The following AGBL3 variants were observed in gnomAD, a reference collection of about 807,000 sequenced individuals.
The protein encoded by AGBL3 is AGBL carboxypeptidase 3, also known as cytosolic carboxypeptidase 3.
In AGBL3, 68 loss-of-function variants were observed where a neutral mutation model predicts 94.5. The observed-to-expected ratio is 0.72, with a 90% CI of 0.59 to 0.88. The LOEUF is 0.88. Ranked by LOEUF, AGBL3 falls within the 40% of genes least tolerant of loss-of-function variation. The probability of loss-of-function intolerance (pLI) is 0.00; values close to 1 mark genes in which losing one functional copy is unlikely to be tolerated. For synonymous variants in AGBL3, 354 were observed against 370.7 expected (o/e 0.95, Z 0.52); for missense variants, 934 against 1,103.8 (o/e 0.85, Z 2.18).
At chr7:135,087,297 T>C (rs907366685) in intron 15 of AGBL3, among the ~76,000 whole-genome samples, 2 of 151,968 alleles carry the variant, frequency 1.3e-5, no homozygotes, top group Admixed American at 6.6e-5. Context: ...TTTCATTTCA[T>C]TGATCTTTTA....
chr7:135,124,220 CA>C (rs369396148), intron 16 of AGBL3, among the ~76,000 whole-genome samples: 140 of 138,106 alleles, frequency 1.0e-3, no homozygotes, highest in Non-Finnish European at 9.9e-4. Flanking sequence ...AAATGGAAAG[CA>C]AAAAAAAAAA....
intron 15 of AGBL3, 97 bp downstream of exon 15, chr7:135,081,887 G>C: frequency 1.4e-6 from 1 of 725,798 alleles, no homozygotes; most frequent in South Asian, 3.7e-5. Context: ...GGAAACAGTA[G>C]AAATTTACTG....
At chr7:135,038,161 C>T (rs943720678) in intron 8 of AGBL3, among the ~76,000 whole-genome samples, 9 of 152,066 alleles carry the variant, frequency 5.9e-5, no homozygotes, top group African/African-American at 2.2e-4. Context: ...GTTAACATAG[C>T]AAAGAAAATT....
chr7:134,992,442 A>T (rs1294161497), intron 3 of AGBL3, among the ~76,000 whole-genome samples: 1 of 152,208 alleles, frequency 6.6e-6, no homozygotes, highest in African/African-American at 2.4e-5. Flanking sequence ...TGTAGCATTT[A>T]TGATCACTGA....
intron 16 of AGBL3, chr7:135,129,610 A>C: frequency 1.3e-6 from 1 of 775,192 alleles, no homozygotes; most frequent in Non-Finnish European, 2.4e-6. Flanking sequence ...CATTTCACTG[A>C]TCCTGCTTCA....
At chr7:135,131,992 T>G (rs541090248) in intron 16 of AGBL3, among the ~76,000 whole-genome samples, 1 of 152,178 alleles carries the variant, frequency 6.6e-6, no homozygotes, top group African/African-American at 2.4e-5. Context: ...AAATAGAATA[T>G]TTGAATACCC....
intron 4 of AGBL3, among the ~76,000 whole-genome samples, chr7:134,999,378 A>G (rs754813057): frequency 6.6e-6 from 1 of 152,200 alleles, no homozygotes; most frequent in Non-Finnish European, 1.5e-5. Context: ...ATCTGCCCAT[A>G]GCCACCTGCG....
intron 5 of AGBL3, among the ~76,000 whole-genome samples, chr7:135,030,199 T>A (rs940847867): frequency 4.0e-5 from 6 of 151,396 alleles, no homozygotes; most frequent in Non-Finnish European, 7.4e-5. Flanking sequence ...ACAGTATCTG[T>A]GAAGCACAAT....
chr7:135,091,902 C>T (rs372823560), intron 15 of AGBL3, among the ~76,000 whole-genome samples: 63 of 152,190 alleles, frequency 4.1e-4, no homozygotes, highest in East Asian at 2.3e-3. Context: ...GTCACAGTTA[C>T]GCACAAGTTG....
intron 15 of AGBL3, among the ~76,000 whole-genome samples, chr7:135,086,222 T>TGATA (rs1357862592): frequency 3.3e-5 from 5 of 152,154 alleles, no homozygotes; most frequent in African/African-American, 1.2e-4. Context: ...TAGGAGTATT[T>TGATA]GATAGAGCCT....
In AGBL3 at chr7:134,986,552, C is replaced by G. The variant is rs1007735497; in HGVS notation, c.-209C>G. 1 of 152,470 alleles carries G rather than the reference C, an allele frequency of 6.6e-6. No homozygotes were observed. 9.4% of individuals were successfully genotyped at this position (152,470 alleles called of 1,614,324 possible). On this transcript the variant is annotated 5_prime_UTR_variant, in exon 1 of 17. The change creates a new upstream start codon in the 5' untranslated region. Transcript: ENST00000436302. ...TGGGAGTGTGGCTGGGGCTGCGGAT[C>G]TCCAGCAGTGGCGTTACTTCTAGCG...
At chr7:135,058,106 T>A (rs184113832) in intron 11 of AGBL3, among the ~76,000 whole-genome samples, 2 of 152,292 alleles carry the variant, frequency 1.3e-5, no homozygotes, top group Admixed American at 1.3e-4. Context: ...TGTTGTTTAA[T>A]CAATTGTAAC....
chr7:135,013,267 GA>G (rs1813377386), intron 4 of AGBL3, among the ~76,000 whole-genome samples: 2 of 152,148 alleles, frequency 1.3e-5, no homozygotes, highest in Admixed American at 1.3e-4. Flanking sequence ...CCAAATATTA[GA>G]AAGTAGAGCA....
At chr7:135,039,403 G>A (rs1204245115) in intron 8 of AGBL3, among the ~76,000 whole-genome samples, 1 of 151,614 alleles carries the variant, frequency 6.6e-6, no homozygotes, top group Non-Finnish European at 1.5e-5. Flanking sequence ...CTAAATAGTA[G>A]CACTTAGAAG....
chr7:134,993,919 C>T (rs183157366), intron 4 of AGBL3, among the ~76,000 whole-genome samples: 1 of 152,204 alleles, frequency 6.6e-6, no homozygotes, highest in African/African-American at 2.4e-5. Context: ...ATTTCACATT[C>T]TTTTTGTCCA....
At chr7:135,025,961 C>T (rs1041180167) in intron 5 of AGBL3, among the ~76,000 whole-genome samples, 2 of 151,596 alleles carry the variant, frequency 1.3e-5, no homozygotes, top group African/African-American at 4.8e-5. Context: ...GACTTAGCCA[C>T]ACAATAACAG....
At chr7:135,005,090 C>T (rs1812215549) in intron 4 of AGBL3, among the ~76,000 whole-genome samples, 1 of 151,604 alleles carries the variant, frequency 6.6e-6, no homozygotes, top group Admixed American at 6.6e-5. Context: ...ATTGCTTTAT[C>T]ACATATGTAG....
chr7:135,062,209 C>T (rs1221099221), intron 12 of AGBL3, among the ~76,000 whole-genome samples: 1 of 151,936 alleles, frequency 6.6e-6, no homozygotes, highest in Non-Finnish European at 1.5e-5. Context: ...TGTTATTAAT[C>T]ATACTTTGTA....
chr7:135,050,623 A>G (rs1049546513), intron 11 of AGBL3, among the ~76,000 whole-genome samples: 1 of 151,820 alleles, frequency 6.6e-6, no homozygotes, highest in Non-Finnish European at 1.5e-5. Context: ...TTTATTTGTT[A>G]TATCTTCCTA....
Sources: allele counts gnomAD v4.1 joint callset (sites outside exome capture counted in the v4.1 genomes callset), GRCh38; gene constraint gnomAD v4.1.1; transcripts MANE v1.5; gene names NCBI Gene and HGNC (gene_info 2026-07-23, HGNC 2026-07-21).